SGTB: variants seen among roughly 807,000 people sequenced by gnomAD.
SGTB encodes small glutamine rich tetratricopeptide repeat co-chaperone beta.
A neutral mutation model predicts 43.9 loss-of-function variants in SGTB; 19 were observed. That is an observed-to-expected ratio of 0.43 (90% CI 0.30 to 0.63). SGTB has a LOEUF of 0.63. Ranked by LOEUF, SGTB falls within the 30% of genes least tolerant of loss-of-function variation. The pLI is 0.12. For missense variants in SGTB, 304 were observed against 358.9 expected (o/e 0.85, Z 1.24); for synonymous variants, 116 against 117.3 (o/e 0.99, Z 0.07).
At chr5:65,686,500 T>A (rs2150709228) in intron 5 of SGTB, among the ~76,000 whole-genome samples, 1 of 150,760 alleles carries the variant, frequency 6.6e-6, no homozygotes, top group Admixed American at 6.6e-5. Context: ...ACCTTTATTC[T>A]CTCTTTACCC....
At chr5:65,721,318 T>G (rs1030989745) in intron 1 of SGTB, among the ~76,000 whole-genome samples, 1 of 152,220 alleles carries the variant, frequency 6.6e-6, no homozygotes, top group African/African-American at 2.4e-5. Context: ...CGCGAAAGGT[T>G]ATTCAAGTGG....
chr5:65,675,042 T>C (rs1757240104), intron 8 of SGTB, among the ~76,000 whole-genome samples: 1 of 151,688 alleles, frequency 6.6e-6, no homozygotes, highest in Non-Finnish European at 1.5e-5. Context: ...GATTCCTGCC[T>C]TCCAAGGGCA....
rs566134946 is a variant in SGTB at position 65,704,265 on chromosome 5, T to C, written c.374+14A>G. 1.3e-6 allele frequency: 2 copies of C among 1,558,450 alleles called. No homozygotes were observed. Among genetic ancestry groups the C allele is most frequent in the Middle Eastern group, 1.7e-4 (1 of 5,888 alleles). ...TTTAAGAATTGCAAACCTGCCACAA[T>C]AGTGCTAGTTTACCTGTTGCAATAG... On this transcript the variant is annotated intron_variant, in intron 5 of 10. Transcript: ENST00000381007.
chr5:65,685,463 A>C lies in SGTB; in HGVS notation c.384T>G (p.Ala128=). 6.2e-7 allele frequency: 1 copy of C among 1,613,986 alleles called. No homozygotes were observed. Among genetic ancestry groups the C allele is most frequent in the Non-Finnish European group, 8.5e-7 (1 of 1,179,968 alleles). Residue 128 remains alanine (A), a synonymous_variant, in exon 6 of 11, where the codon GCT becomes GCG. Coordinates refer to ENST00000381007, the MANE Select transcript of SGTB (RefSeq NM_019072.3). ...CTGTGTAGTGACCTAATTTGCTCTG[A>C]GCAGCAGCCCTAAGAGAAAGAAAAC... is the stretch of plus-strand genomic sequence containing the variant. ...NAVYYCNRAA[A]QSKLGHYTDA...
chr5:65,713,114 AAC>A (rs1758073669), intron 2 of SGTB, 50 bp from the exon 3 acceptor site: 1 of 1,404,642 alleles, frequency 7.1e-7, no homozygotes, highest in Admixed American at 2.1e-5. Flanking sequence ...TTAAAAAAGA[AAC>A]AAGTTTTTTT....
chr5:65,707,637 G>C (rs1486656622), intron 4 of SGTB, among the ~76,000 whole-genome samples: 2 of 152,006 alleles, frequency 1.3e-5, no homozygotes, highest in African/African-American at 4.8e-5. Context: ...GTTTCACCGA[G>C]TTGGCCAGGA....
chr5:65,704,051 A>T (rs1367700875), intron 5 of SGTB, among the ~76,000 whole-genome samples: 36 of 135,106 alleles, frequency 2.7e-4, no homozygotes, highest in Non-Finnish European at 3.3e-4. Flanking sequence ...AAAAAAAAAA[A>T]ATAAATAAAT....
chr5:65,684,228 G>A (rs1294981754), intron 6 of SGTB, among the ~76,000 whole-genome samples: 1 of 151,932 alleles, frequency 6.6e-6, no homozygotes, highest in East Asian at 2.0e-4. Flanking sequence ...GGGACTACAG[G>A]TGTACCCCAC....
chr5:65,722,277 C>A, upstream of SGTB: 2 of 936,386 alleles, frequency 2.1e-6, no homozygotes, highest in South Asian at 1.8e-5. Context: ...GCGGCTAGGC[C>A]GGCTCGAGAC....
chr5:65,683,921 G>A (rs1489059547), intron 6 of SGTB, among the ~76,000 whole-genome samples: 1 of 151,216 alleles, frequency 6.6e-6, no homozygotes, highest in East Asian at 2.0e-4. Context: ...ACTGCAGCCT[G>A]GGTGACAGAG....
At chr5:65,720,472 T>A (rs1311596696) in intron 2 of SGTB, among the ~76,000 whole-genome samples, 2 of 152,226 alleles carry the variant, frequency 1.3e-5, no homozygotes, top group African/African-American at 4.8e-5. Context: ...AACAGCATAC[T>A]TCTGACATAT....
intron 5 of SGTB, among the ~76,000 whole-genome samples, chr5:65,697,307 A>G (rs1226790248): frequency 6.6e-6 from 1 of 152,230 alleles, no homozygotes; most frequent in Non-Finnish European, 1.5e-5. Flanking sequence ...AGTTTTACAA[A>G]AATTAAATAA....
intron 2 of SGTB, among the ~76,000 whole-genome samples, chr5:65,717,197 G>A (rs913204970): frequency 6.6e-6 from 1 of 152,104 alleles, no homozygotes; most frequent in African/African-American, 2.4e-5. Context: ...TGAGGCAAAG[G>A]CTTAATCAGA....
intron 5 of SGTB, among the ~76,000 whole-genome samples, chr5:65,703,428 G>A (rs968091804): frequency 1.3e-5 from 2 of 152,210 alleles, no homozygotes; most frequent in Admixed American, 6.5e-5. Context: ...TAAACTGGAC[G>A]AGTGTGGTGG....
At chr5:65,722,397 T>A (rs752802221), upstream of SGTB, 2 of 1,591,164 alleles carry the variant, frequency 1.3e-6, no homozygotes, top group Admixed American at 1.7e-5. Flanking sequence ...GCCTTTTGGC[T>A]GTGCGAAGCC....
At chr5:65,696,250 C>T (rs1197926940) in intron 5 of SGTB, among the ~76,000 whole-genome samples, 2 of 152,194 alleles carry the variant, frequency 1.3e-5, no homozygotes, top group Non-Finnish European at 2.9e-5. Flanking sequence ...CTTCCAAATT[C>T]CCTGCATCAT....
chr5:65,716,105 C>T (rs1374918244), intron 2 of SGTB, among the ~76,000 whole-genome samples: 1 of 152,136 alleles, frequency 6.6e-6, no homozygotes, highest in African/African-American at 2.4e-5. Flanking sequence ...TCAGGGTAGG[C>T]CTTACTGAGA....
intron 5 of SGTB, among the ~76,000 whole-genome samples, chr5:65,697,977 T>A (rs895886156): frequency 6.6e-6 from 1 of 152,172 alleles, no homozygotes; most frequent in Non-Finnish European, 1.5e-5. Flanking sequence ...TATGTATGAT[T>A]TCTTTCATAT....
intron 5 of SGTB, among the ~76,000 whole-genome samples, chr5:65,694,765 T>C (rs957228998): frequency 2.6e-5 from 4 of 152,088 alleles, no homozygotes; most frequent in Non-Finnish European, 5.9e-5. Flanking sequence ...GAAGGATGAC[T>C]AGTAGTTGAC....
Sources: allele counts gnomAD v4.1 joint callset (sites outside exome capture counted in the v4.1 genomes callset), GRCh38; gene constraint gnomAD v4.1.1; transcripts MANE v1.5; gene names NCBI Gene and HGNC (gene_info 2026-07-23, HGNC 2026-07-21).